Variants in CRPPA observed in about 807,000 individuals in gnomAD.
The protein encoded by CRPPA is CDP-L-ribitol pyrophosphorylase A.
A neutral mutation model predicts 52.0 loss-of-function variants in CRPPA; 43 were observed. That is an observed-to-expected ratio of 0.83 (90% CI 0.65 to 1.07). The LOEUF is 1.07. CRPPA is among the 50% of genes least tolerant of loss of function. CRPPA has a pLI of 0.00. For synonymous variants in CRPPA, 250 were observed against 203.5 expected, an observed-to-expected ratio of 1.23 and a Z score of -1.94; for missense variants, 629 against 551.7, an observed-to-expected ratio of 1.14 and a Z score of -1.40.
intron 9 of CRPPA, among the ~76,000 whole-genome samples, chr7:16,130,900 T>G: frequency 6.6e-6 from 1 of 152,066 alleles, no homozygotes; most frequent in South Asian, 2.1e-4. Context: ...TTACTGGGAT[T>G]AGTGCCCTTA....
At chr7:16,271,905 G>A (rs1784098897) in intron 6 of CRPPA, among the ~76,000 whole-genome samples, 1 of 152,076 alleles carries the variant, frequency 6.6e-6, no homozygotes, top group Non-Finnish European at 1.5e-5. Context: ...TATCATGACA[G>A]GCATTTATTA....
At chr7:16,129,559 A>G (rs1782644289) in intron 9 of CRPPA, among the ~76,000 whole-genome samples, 1 of 152,092 alleles carries the variant, frequency 6.6e-6, no homozygotes, top group South Asian at 2.1e-4. Context: ...TTTATGCCAC[A>G]ATACCAGATA....
chr7:16,111,463 T>C (rs373197361), intron 9 of CRPPA, among the ~76,000 whole-genome samples: 2 of 152,334 alleles, frequency 1.3e-5, no homozygotes, highest in East Asian at 3.9e-4. Context: ...AAGAGATGTC[T>C]GCACTCACTC....
At chr7:16,313,453 G>C (rs187942375) in intron 3 of CRPPA, among the ~76,000 whole-genome samples, 14 of 151,544 alleles carry the variant, frequency 9.2e-5, no homozygotes, top group African/African-American at 3.4e-4. Context: ...TTCTTTCTTA[G>C]CCTGGCTGAT....
intron 9 of CRPPA, among the ~76,000 whole-genome samples, chr7:16,144,401 G>T (rs1158085013): frequency 6.6e-6 from 1 of 152,214 alleles, no homozygotes; most frequent in Non-Finnish European, 1.5e-5. Flanking sequence ...GCTGGGAGAA[G>T]TCATATGCAG....
chr7:16,327,028 C>G (rs79473615), intron 3 of CRPPA, among the ~76,000 whole-genome samples: 3,460 of 152,234 alleles, frequency 0.023, 126 homozygotes, highest in African/African-American at 0.075. Flanking sequence ...AAATTAGTGT[C>G]TGGAGTAAGA....
At chr7:16,266,860 C>T (rs752178484) in intron 6 of CRPPA, among the ~76,000 whole-genome samples, 3 of 152,092 alleles carry the variant, frequency 2.0e-5, no homozygotes, top group Non-Finnish European at 4.4e-5. Flanking sequence ...TTCTTTCTGT[C>T]GAGCTTTCAT....
At chr7:16,223,740 G>A (rs184610598) in intron 8 of CRPPA, among the ~76,000 whole-genome samples, 198 of 152,214 alleles carry the variant, frequency 1.3e-3, no homozygotes, top group African/African-American at 4.7e-3. Flanking sequence ...TTGCAAAATG[G>A]TAACTCAAGA....
chr7:16,231,761 T>G (rs78114589), intron 8 of CRPPA, among the ~76,000 whole-genome samples: 3,730 of 152,276 alleles, frequency 0.024, 120 homozygotes, highest in African/African-American at 0.082. Context: ...GTACTAGGGA[T>G]GAAATTGTCT....
At chr7:16,418,818 C>T (rs1044050465) in intron 1 of CRPPA, among the ~76,000 whole-genome samples, 2 of 152,120 alleles carry the variant, frequency 1.3e-5, no homozygotes, top group African/African-American at 4.8e-5. Flanking sequence ...GGAGACACAG[C>T]CAAACCATAT....
intron 3 of CRPPA, among the ~76,000 whole-genome samples, chr7:16,343,301 G>A (rs1459122164): frequency 6.6e-6 from 1 of 152,078 alleles, no homozygotes; most frequent in African/African-American, 2.4e-5. Context: ...AGTTGAAGTT[G>A]TAGCAGTTTA....
intron 5 of CRPPA, among the ~76,000 whole-genome samples, chr7:16,282,435 G>A (rs1422114133): frequency 1.3e-5 from 2 of 151,956 alleles, no homozygotes; most frequent in Admixed American, 6.6e-5. Flanking sequence ...CCATTAAGTA[G>A]TTCACAATGC....
chr7:16,140,953 G>A (rs996183311), intron 9 of CRPPA, among the ~76,000 whole-genome samples: 6 of 152,106 alleles, frequency 3.9e-5, no homozygotes, highest in African/African-American at 1.2e-4. Context: ...AGCACAACAC[G>A]TGCTTGTGAA....
chr7:16,161,204 G>A (rs1783297139), intron 9 of CRPPA, among the ~76,000 whole-genome samples: 1 of 152,144 alleles, frequency 6.6e-6, no homozygotes, highest in Non-Finnish European at 1.5e-5. Flanking sequence ...GCCCTGGCCA[G>A]AACTTCCAAA....
intron 9 of CRPPA, among the ~76,000 whole-genome samples, chr7:16,112,505 C>T (rs370221924): frequency 1.3e-5 from 2 of 152,042 alleles, no homozygotes; most frequent in Admixed American, 6.6e-5. Flanking sequence ...AATTCAATAA[C>T]CTCCAGCAGA....
chr7:16,149,502 T>A (rs1309221973), intron 9 of CRPPA, among the ~76,000 whole-genome samples: 1 of 152,110 alleles, frequency 6.6e-6, no homozygotes, highest in Non-Finnish European at 1.5e-5. Flanking sequence ...ATTCTAACAA[T>A]ACACATTGGA....
At chr7:16,367,434 G>A (rs1028782141) in intron 3 of CRPPA, among the ~76,000 whole-genome samples, 1 of 152,138 alleles carries the variant, frequency 6.6e-6, no homozygotes. Flanking sequence ...TGAATATAAA[G>A]AAAAGACACT....
chr7:16,346,549 T>G (rs1337160307), intron 3 of CRPPA, among the ~76,000 whole-genome samples: 1 of 152,006 alleles, frequency 6.6e-6, no homozygotes, highest in African/African-American at 2.4e-5. Flanking sequence ...AAAGCTAAGA[T>G]AATTAGCAGA....
intron 5 of CRPPA, among the ~76,000 whole-genome samples, chr7:16,296,590 A>G (rs1295570300): frequency 6.6e-6 from 1 of 152,124 alleles, no homozygotes; most frequent in Admixed American, 6.6e-5. Context: ...CAGGAAGGAC[A>G]CTTAAAAAAA....
Sources: allele counts gnomAD v4.1 joint callset (sites outside exome capture counted in the v4.1 genomes callset), GRCh38; gene constraint gnomAD v4.1.1; transcripts MANE v1.5; gene names NCBI Gene and HGNC (gene_info 2026-07-23, HGNC 2026-07-21).